Variants in DTNA observed in about 807,000 individuals in gnomAD.
DTNA encodes dystrophin-related protein 3.
A neutral mutation model predicts 100.7 loss-of-function variants in DTNA; 43 were observed. The observed-to-expected ratio is 0.43, with a 90% CI of 0.33 to 0.55. DTNA has a LOEUF of 0.55. Ranked by LOEUF, DTNA falls within the 20% of genes least tolerant of loss-of-function variation. The probability of loss-of-function intolerance (pLI) is 0.04; values close to 1 mark genes in which losing one functional copy is unlikely to be tolerated. For missense variants in DTNA, 798 were observed against 953.9 expected (o/e 0.84, Z 2.15); for synonymous variants, 349 against 347.9 (o/e 1.00, Z -0.04).
At chr18:34,753,180 C>T (rs768472995) in intron 1 of DTNA, among the ~76,000 whole-genome samples, 11 of 151,842 alleles carry the variant, frequency 7.2e-5, no homozygotes, top group Non-Finnish European at 1.3e-4. Flanking sequence ...TTAGTGCTCT[C>T]GAAACCTTAC....
chr18:34,803,732 T>C (rs901591283), intron 4 of DTNA, among the ~76,000 whole-genome samples: 3 of 152,246 alleles, frequency 2.0e-5, no homozygotes, highest in Admixed American at 6.5e-5. Flanking sequence ...CTTCCAGTTA[T>C]CCATGTAATG....
At chr18:34,853,757 A>C (rs1352537557) in intron 15 of DTNA, among the ~76,000 whole-genome samples, 3 of 152,152 alleles carry the variant, frequency 2.0e-5, no homozygotes, top group African/African-American at 7.2e-5. Flanking sequence ...GAGCAGATGC[A>C]TAGTGACGAA....
At position 34,806,269 on chromosome 18, in the gene DTNA, C is replaced by T; in HGVS notation, c.413C>T (p.Thr138Ile). The change falls in exon 5 of 23, where the codon ACA (threonine) becomes ATA (isoleucine). Residue 138 changes from threonine (T) to isoleucine (I), a missense_variant. By Grantham distance (89) the Thr-to-Ile change is moderately conservative. This residue lies in a region of DTNA where 197 missense variants were observed against 215.4 expected (regional missense o/e 0.91). Transcript: ENST00000444659. Reference sequence around the variant, plus strand: ...TTTGCTGTCAAAATGGCTTTAGCCACATTGTGTGGAGGGAAGATCATGGAC... The same window carrying T: ...TTTGCTGTCAAAATGGCTTTAGCCATATTGTGTGGAGGGAAGATCATGGAC... ...SVFAVKMALATLCGGKIMDKL... is the reference protein window; with the variant it reads ...SVFAVKMALAILCGGKIMDKL... 2 of 1,613,918 alleles carry T rather than the reference C, an allele frequency of 1.2e-6. No homozygotes were observed. The highest frequency in any genetic ancestry group is 1.7e-6 in the Non-Finnish European group (2 of 1,179,924).
rs554670474 is a variant in DTNA at position 34,530,930 on chromosome 18, T to TC, written c.-2+37420dup. Among the ~76,000 whole-genome samples the TC allele has an allele frequency of 2.4e-3, 359 of 152,228 alleles. 2 individuals are homozygous for TC. Among genetic ancestry groups the TC allele is most frequent in the African/African-American group, 8.3e-3 (343 of 41,546 alleles). On this transcript the variant is annotated intron_variant, in intron 1 of 19. Coordinates refer to the DTNA transcript ENST00000283365. Reference sequence around the variant, plus strand: ...ATACATCAGCAGCCTCTCTTCTTCTTCCCCTCTCTCCTCCTCTCTCCACCC... The same window carrying TC: ...ATACATCAGCAGCCTCTCTTCTTCTTCCCCCTCTCTCCTCCTCTCTCCACCC...
rs577832176 is a variant in DTNA, at chr18:34,842,650, T to A, written c.1346+3813T>A. ...GCTCTTTCCTGCCTCAAGACTCCAA[T>A]ACTAGTTCTCCCCTCTGTCTAGAAC... On this transcript the variant is annotated intron_variant, in intron 13 of 22. Transcript: ENST00000444659. Among the ~76,000 whole-genome samples, 5 of 152,222 alleles carry A rather than the reference T, an allele frequency of 3.3e-5. No homozygotes were observed. In the East Asian group the frequency reaches 9.7e-4, roughly 29 times the overall value.
chr18:34,653,247 T>A (rs748577587), intron 1 of DTNA, among the ~76,000 whole-genome samples: 13 of 152,206 alleles, frequency 8.5e-5, no homozygotes, highest in Non-Finnish European at 1.8e-4. Flanking sequence ...GGCTTCTACC[T>A]GTTGATTGCT....
intron 17 of DTNA, among the ~76,000 whole-genome samples, chr18:34,872,609 A>G (rs1385969044): frequency 2.6e-5 from 4 of 152,220 alleles, no homozygotes; most frequent in Non-Finnish European, 4.4e-5. Context: ...TGCAAATAAG[A>G]GATTGTAGGC....
At chr18:34,834,812 A>C (rs112389242) in intron 11 of DTNA, among the ~76,000 whole-genome samples, 1 of 152,154 alleles carries the variant, frequency 6.6e-6, no homozygotes, top group African/African-American at 2.4e-5. Flanking sequence ...ATTAGGACCT[A>C]TTTCCAACAT....
At chr18:34,638,428 A>G (rs879817140) in intron 1 of DTNA, among the ~76,000 whole-genome samples, 5 of 152,228 alleles carry the variant, frequency 3.3e-5, no homozygotes, top group Non-Finnish European at 4.4e-5. Flanking sequence ...TGTCTGGAAA[A>G]GGGCAGAGCT....
rs2038838573 is a variant in DTNA, at chr18:34,493,869, G to A, written c.-2+355G>A. The A allele has an allele frequency of 2.7e-5, 4 of 148,164 alleles. No homozygotes were observed. In the South Asian group the frequency reaches 8.3e-4, roughly 31 times the overall value. The allele number at this position is 148,164 out of a possible 1,614,324, so 9.2% of individuals were successfully genotyped here. A position where few individuals can be genotyped will look rare whatever the true frequency, so the allele number is the denominator to read the frequency against. ...TCACGGGGTTCCCACCTGTGCGCCG[G>A]CGCCGGCCGCGGCTAGCGCGAAGCA... On this transcript the variant is annotated intron_variant, in intron 1 of 19. Transcript: ENST00000283365.
intron 1 of DTNA, among the ~76,000 whole-genome samples, chr18:34,699,919 G>C (rs968276599): frequency 6.6e-6 from 1 of 152,066 alleles, no homozygotes; most frequent in African/African-American, 2.4e-5. Context: ...TTTAGACAAG[G>C]ACAGATCCAA....
intron 4 of DTNA, among the ~76,000 whole-genome samples, chr18:34,798,418 GA>G (rs879568925): frequency 4.1e-4 from 61 of 147,114 alleles, no homozygotes; most frequent in African/African-American, 1.4e-3. Flanking sequence ...CTGCTCCACA[GA>G]AAAAAAAAAC....
At chr18:34,588,007 G>A (rs1324597089) in intron 1 of DTNA, among the ~76,000 whole-genome samples, 1 of 152,106 alleles carries the variant, frequency 6.6e-6, no homozygotes, top group Non-Finnish European at 1.5e-5. Flanking sequence ...GGAAGGAAAT[G>A]CAAGTAGAAG....
chr18:34,885,736 T>C (rs1049086815), intron 22 of DTNA, among the ~76,000 whole-genome samples: 1 of 152,232 alleles, frequency 6.6e-6, no homozygotes, highest in African/African-American at 2.4e-5. Context: ...TATCATTTAT[T>C]ATGAACATTC....
At chr18:34,500,546 C>T (rs1052217056) in intron 1 of DTNA, among the ~76,000 whole-genome samples, 3 of 151,518 alleles carry the variant, frequency 2.0e-5, no homozygotes, top group African/African-American at 4.9e-5. Flanking sequence ...CCACTGCAAC[C>T]TCCGCCTCCC....
chr18:34,631,610 C>T (rs1405588146), intron 1 of DTNA, among the ~76,000 whole-genome samples: 2 of 152,170 alleles, frequency 1.3e-5, no homozygotes, highest in Admixed American at 1.3e-4. Context: ...ATGACGTAGT[C>T]ATGAAAATAA....
At chr18:34,751,966 A>T (rs1020884976) in intron 1 of DTNA, among the ~76,000 whole-genome samples, 1 of 152,262 alleles carries the variant, frequency 6.6e-6, no homozygotes, top group Non-Finnish European at 1.5e-5. Flanking sequence ...AAGCGAAAAC[A>T]ACATATGTCC....
chr18:34,763,527 A>T (rs571809484), intron 2 of DTNA, among the ~76,000 whole-genome samples: 8 of 152,320 alleles, frequency 5.3e-5, no homozygotes, highest in Admixed American at 1.3e-4. Flanking sequence ...AGTGCATATG[A>T]TTTTTCAAAG....
At chr18:34,738,314 C>T (rs1375298407) in intron 1 of DTNA, among the ~76,000 whole-genome samples, 1 of 152,102 alleles carries the variant, frequency 6.6e-6, no homozygotes, top group African/African-American at 2.4e-5. Flanking sequence ...CGCATGTCTA[C>T]TATAAATTAG....
Sources: gnomAD v4.1 joint callset for allele counts (sites outside exome capture counted in the v4.1 genomes callset) on GRCh38, gnomAD v4.1.1 for gene constraint, gnomAD v4.1.1 regional missense constraint, MANE v1.5 for transcripts, NCBI Gene and HGNC (gene_info 2026-07-23, HGNC 2026-07-21) for gene names.